Variants in ANO3 observed in about 807,000 individuals in gnomAD.
ANO3 encodes anoctamin-3.
A neutral mutation model predicts 144.8 loss-of-function variants in ANO3; 99 were observed. The observed-to-expected ratio is 0.68, with a 90% CI of 0.58 to 0.81. The LOEUF is 0.81. Ranked by LOEUF, ANO3 falls within the 30% of genes least tolerant of loss-of-function variation. The probability of loss-of-function intolerance (pLI) is 0.00; values close to 1 mark genes in which losing one functional copy is unlikely to be tolerated. For missense variants in ANO3, 905 were observed against 1,202.2 expected, an observed-to-expected ratio of 0.75 and a Z score of 3.66; for synonymous variants, 414 against 392.6, an observed-to-expected ratio of 1.05 and a Z score of -0.64.
At chr11:26,452,017 G>A (rs1858963041) in intron 3 of ANO3, among the ~76,000 whole-genome samples, 1 of 152,182 alleles carries the variant, frequency 6.6e-6, no homozygotes, top group Non-Finnish European at 1.5e-5. Context: ...CAGACCTGCA[G>A]CTGAGGGTCC....
At chr11:26,233,578 A>C (rs994871364) in intron 1 of ANO3, among the ~76,000 whole-genome samples, 1 of 152,208 alleles carries the variant, frequency 6.6e-6, no homozygotes, top group African/African-American at 2.4e-5. Flanking sequence ...TTGACCCAGC[A>C]ATCCCATTAC....
chr11:26,373,069 A>T (rs1011967238), intron 1 of ANO3, among the ~76,000 whole-genome samples: 1 of 152,226 alleles, frequency 6.6e-6, no homozygotes, highest in South Asian at 2.1e-4. Context: ...AGATTTATAC[A>T]TATGAATGCA....
At chr11:26,283,773 G>C (rs144403543) in intron 1 of ANO3, among the ~76,000 whole-genome samples, 8 of 152,224 alleles carry the variant, frequency 5.3e-5, no homozygotes, top group African/African-American at 1.9e-4. Flanking sequence ...AATTCTAATG[G>C]AGGAGACAGA....
chr11:26,628,099 A>G (rs532632666), intron 18 of ANO3, among the ~76,000 whole-genome samples: 8 of 152,300 alleles, frequency 5.3e-5, no homozygotes, highest in Admixed American at 4.6e-4. Flanking sequence ...TTTACTTCAA[A>G]GTGATTTTTT....
chr11:26,430,247 TAAA>T (rs11439260), intron 1 of ANO3, among the ~76,000 whole-genome samples: 2 of 144,964 alleles, frequency 1.4e-5, no homozygotes, highest in Non-Finnish European at 3.0e-5. Context: ...AGCAACTGTC[TAAA>T]AAAAAAAAAA....
chr11:26,271,495 T>C (rs12283498), intron 1 of ANO3, among the ~76,000 whole-genome samples: 2,015 of 152,324 alleles, frequency 0.013, 30 homozygotes, highest in African/African-American at 0.046. Flanking sequence ...TTTATGAATA[T>C]TATCCAGGAC....
chr11:26,559,845 C>T lies in ANO3; in HGVS notation c.1447+66C>T. The T allele has an allele frequency of 5.7e-6, 4 of 707,524 alleles. No homozygotes were observed. The South Asian group carries it at 6.4e-5, about 11-fold the overall frequency. 43.8% of individuals were successfully genotyped at this position (707,524 alleles called of 1,614,324 possible). On this transcript the variant is annotated intron_variant, in intron 14 of 26. Coordinates refer to ENST00000256737, the MANE Select transcript of ANO3 (RefSeq NM_031418.4). ...AAGCTGTTTCTGTGTTACACACACA[C>T]ACACACACACACACACACACACACA... is the stretch of plus-strand genomic sequence containing the variant.
intron 4 of ANO3, among the ~76,000 whole-genome samples, chr11:26,495,900 G>A (rs1229256748): frequency 6.6e-6 from 1 of 152,180 alleles, no homozygotes; most frequent in Non-Finnish European, 1.5e-5. Flanking sequence ...CTGCTTTGGA[G>A]CACATGTGAA....
intron 1 of ANO3, among the ~76,000 whole-genome samples, chr11:26,367,788 G>A (rs1280191096): frequency 2.0e-5 from 3 of 152,142 alleles, no homozygotes; most frequent in African/African-American, 7.2e-5. Context: ...AAGCATCAAG[G>A]AGCTTTCAAT....
At chr11:26,191,704 T>C (rs571923605) in intron 1 of ANO3, among the ~76,000 whole-genome samples, 3 of 152,242 alleles carry the variant, frequency 2.0e-5, no homozygotes, top group Non-Finnish European at 4.4e-5. Context: ...GATAATATTC[T>C]TTCAAAATAA....
chr11:26,647,874 A>G lies in ANO3; in HGVS notation c.2576+18A>G. On this transcript the variant is annotated intron_variant, in intron 24 of 26. Transcript: ENST00000256737. ...AGTGAAAAGTAAGGTTTAAATTTAAACATTTTCCTGATATGTTTTACATTT... is the reference window on the plus strand; with the variant it reads ...AGTGAAAAGTAAGGTTTAAATTTAAGCATTTTCCTGATATGTTTTACATTT... 1 of 1,596,724 alleles carries G rather than the reference A, an allele frequency of 6.3e-7. No individual in the cohort carries two copies. Among genetic ancestry groups the G allele is most frequent in the Non-Finnish European group, 8.6e-7 (1 of 1,169,494 alleles).
chr11:26,639,482 T>C (rs1055526273), intron 21 of ANO3, among the ~76,000 whole-genome samples: 1 of 152,206 alleles, frequency 6.6e-6, no homozygotes, highest in African/African-American at 2.4e-5. Context: ...AACAGAATAA[T>C]GAATGTAGAG....
intron 1 of ANO3, among the ~76,000 whole-genome samples, chr11:26,233,766 G>A (rs7127642): frequency 0.98 from 148,578 of 152,302 alleles, 72,591 homozygotes; most frequent in East Asian, 1. Flanking sequence ...GCAGCCATAA[G>A]AAAGAATGAG....
chr11:26,639,976 T>C (rs1853093522), intron 21 of ANO3, among the ~76,000 whole-genome samples: 1 of 152,178 alleles, frequency 6.6e-6, no homozygotes, highest in African/African-American at 2.4e-5. Flanking sequence ...AGTTGGTTGA[T>C]GAAGTAAGTA....
At position 26,561,473 on chromosome 11, in the gene ANO3, A is replaced by G. The variant is rs537040699; in HGVS notation, c.1447+1694A>G. ...TGGACTCAAAGTAAAGGAACTAAAG[A>G]AGAGACCAGTATAGTATATCAATAC... On this transcript the variant is annotated intron_variant, in intron 14 of 26. Coordinates refer to ENST00000256737, the MANE Select transcript of ANO3 (RefSeq NM_031418.4). 9.9e-5 allele frequency among the ~76,000 whole-genome samples: 15 copies of G among 152,138 alleles called. No individual in the cohort carries two copies. In the East Asian group the frequency reaches 2.9e-3, roughly 29 times the overall value.
At chr11:26,580,193 T>G (rs1270000985) in intron 14 of ANO3, among the ~76,000 whole-genome samples, 1 of 152,024 alleles carries the variant, frequency 6.6e-6, no homozygotes, top group Non-Finnish European at 1.5e-5. Context: ...TAATGCTTTT[T>G]GGGCTATATT....
In ANO3 at chr11:26,660,466, G is replaced by A; in HGVS notation, c.*22G>A. ...TTAGTTGACACCTGTTACCCATTAG[G>A]GGTGATAACATTAATGGGAAGAAAT... On this transcript the variant is annotated 3_prime_UTR_variant, in exon 27 of 27. Transcript: ENST00000256737. The A allele has an allele frequency of 1.3e-6, 2 of 1,578,328 alleles. No homozygotes were observed. The highest frequency in any genetic ancestry group is 1.7e-6 in the Non-Finnish European group (2 of 1,164,884).
chr11:26,533,873 A>G (rs902623586), intron 8 of ANO3, among the ~76,000 whole-genome samples: 26 of 152,190 alleles, frequency 1.7e-4, no homozygotes, highest in African/African-American at 6.0e-4. Flanking sequence ...AAAATGTCAG[A>G]AGTTGAGCAA....
chr11:26,550,836 G>A (rs184380924), intron 12 of ANO3, among the ~76,000 whole-genome samples: 227 of 151,886 alleles, frequency 1.5e-3, no homozygotes, highest in Non-Finnish European at 2.7e-3. Context: ...GATTTTTTGA[G>A]AAACCTCCCT....
Sources: gnomAD v4.1 joint callset for allele counts (sites outside exome capture counted in the v4.1 genomes callset) on GRCh38, gnomAD v4.1.1 for gene constraint, MANE v1.5 for transcripts, NCBI Gene and HGNC (gene_info 2026-07-23, HGNC 2026-07-21) for gene names.